SGK3: variants seen among roughly 807,000 people sequenced by gnomAD.
The protein encoded by SGK3 is serum/glucocorticoid regulated kinase family member 3.
In SGK3, 47 loss-of-function variants were observed where a neutral mutation model predicts 68.5. That is an observed-to-expected ratio of 0.69 (90% confidence interval 0.54 to 0.87). The LOEUF (loss-of-function observed/expected upper bound fraction) is 0.87, where lower values mean the gene tolerates loss of function less well. SGK3 is among the 40% of genes least tolerant of loss of function. The probability of loss-of-function intolerance (pLI) is 0.00; values close to 1 mark genes in which losing one functional copy is unlikely to be tolerated. For missense variants in SGK3, 479 were observed against 575.5 expected (o/e 0.83, Z 1.72); for synonymous variants, 181 against 189.1 (o/e 0.96, Z 0.35).
intron 4 of SGK3, among the ~76,000 whole-genome samples, chr8:66,809,562 T>A (rs1415972691): frequency 6.6e-6 from 1 of 152,116 alleles, no homozygotes; most frequent in Non-Finnish European, 1.5e-5. Flanking sequence ...AAAAACCTTA[T>A]GAAATGCTGT....
chr8:66,851,560 A>G (rs1810291157), intron 16 of SGK3, among the ~76,000 whole-genome samples: 1 of 152,080 alleles, frequency 6.6e-6, no homozygotes, highest in South Asian at 2.1e-4. Flanking sequence ...ATAGACAAAC[A>G]TTATTAATAA....
intron 4 of SGK3, among the ~76,000 whole-genome samples, chr8:66,811,032 T>G (rs1808361540): frequency 6.6e-6 from 1 of 152,210 alleles, no homozygotes; most frequent in Non-Finnish European, 1.5e-5. Flanking sequence ...TTTATATATA[T>G]GTTTTTGAGT....
chr8:66,751,719 C>T (rs1563609440), intron 1 of SGK3, among the ~76,000 whole-genome samples: 1 of 151,638 alleles, frequency 6.6e-6, no homozygotes, highest in Non-Finnish European at 1.5e-5. Flanking sequence ...TAGGAATAAT[C>T]TCTGATTATT....
At chr8:66,789,655 A>G (rs1327490204) in intron 1 of SGK3, among the ~76,000 whole-genome samples, 1 of 152,208 alleles carries the variant, frequency 6.6e-6, no homozygotes, top group East Asian at 1.9e-4. Flanking sequence ...CAGAGCTAGT[A>G]TCCAGTAACG....
chr8:66,786,120 T>C (rs1266246458), intron 1 of SGK3, among the ~76,000 whole-genome samples: 1 of 152,256 alleles, frequency 6.6e-6, no homozygotes, highest in Non-Finnish European at 1.5e-5. Flanking sequence ...GAATTTTAAT[T>C]GCTTCAGTTT....
chr8:66,796,191 C>T (rs1227384864), intron 2 of SGK3, among the ~76,000 whole-genome samples: 1 of 151,830 alleles, frequency 6.6e-6, no homozygotes, highest in Non-Finnish European at 1.5e-5. Context: ...GGCTGGAGTG[C>T]AGTGGTGCAG....
chr8:66,852,008 G>GT (rs1327153624), intron 16 of SGK3, among the ~76,000 whole-genome samples: 7 of 152,078 alleles, frequency 4.6e-5, no homozygotes, highest in African/African-American at 1.7e-4. Context: ...CAATATATGC[G>GT]TGATTCCAGA....
intron 1 of SGK3, among the ~76,000 whole-genome samples, chr8:66,723,122 TATATA>T (rs1563595316): frequency 8.8e-5 from 5 of 56,724 alleles, no homozygotes; most frequent in East Asian, 4.8e-4. Context: ...TATATATATA[TATATA>T]TATATTTTTT....
intron 1 of SGK3, among the ~76,000 whole-genome samples, chr8:66,744,494 TATATATATATATATATATATATA>T (rs1805572678): frequency 4.9e-5 from 1 of 20,210 alleles, no homozygotes; most frequent in Non-Finnish European, 1.0e-4. Context: ...TATATATATA[TATATATATATATATATATATATA>T]TATTTTTTTT....
chr8:66,814,002 TTTTG>T, intron 5 of SGK3, 74 bp downstream of exon 5: 2 of 1,306,548 alleles, frequency 1.5e-6, no homozygotes, highest in Non-Finnish European at 1.0e-6. Flanking sequence ...CTTATATAAA[TTTTG>T]TTTGTTCTAT....
chr8:66,853,855 C>T (rs1425289944), intron 16 of SGK3, among the ~76,000 whole-genome samples: 2 of 152,142 alleles, frequency 1.3e-5, no homozygotes. Flanking sequence ...TGAATGGGTA[C>T]ATTATTATAT....
At chr8:66,728,365 C>T (rs988352422) in intron 1 of SGK3, among the ~76,000 whole-genome samples, 6 of 149,514 alleles carry the variant, frequency 4.0e-5, no homozygotes, top group Non-Finnish European at 7.4e-5. Context: ...TCACTTTTGT[C>T]ACCCAGGCTG....
intron 4 of SGK3, among the ~76,000 whole-genome samples, chr8:66,811,080 G>A (rs952010978): frequency 9.2e-5 from 14 of 152,206 alleles, no homozygotes; most frequent in South Asian, 4.2e-4. Context: ...ACAGTGGTGC[G>A]ATCTCAGCTC....
intron 1 of SGK3, among the ~76,000 whole-genome samples, chr8:66,786,428 T>A (rs1004941708): frequency 1.4e-3 from 214 of 152,318 alleles, no homozygotes; most frequent in Non-Finnish European, 4.4e-4. Context: ...GATTGGCACA[T>A]GTAAAGCACA....
intron 6 of SGK3, among the ~76,000 whole-genome samples, chr8:66,823,361 G>T (rs182980895): frequency 1.8e-3 from 271 of 148,786 alleles, no homozygotes; most frequent in African/African-American, 6.3e-3. Flanking sequence ...ATTAATGTGT[G>T]TTCCTAACAG....
intron 15 of SGK3, among the ~76,000 whole-genome samples, chr8:66,848,692 T>G (rs936496776): frequency 2.0e-5 from 3 of 152,200 alleles, no homozygotes; most frequent in Admixed American, 2.0e-4. Context: ...TGCTCCCCTT[T>G]TTTTCTGGTT....
chr8:66,718,446 A>G (rs1297281944), intron 1 of SGK3, among the ~76,000 whole-genome samples: 3 of 148,966 alleles, frequency 2.0e-5, no homozygotes, highest in Admixed American at 1.3e-4. Flanking sequence ...ACATATATAT[A>G]TTATGTGTGT....
intron 5 of SGK3, among the ~76,000 whole-genome samples, chr8:66,820,058 C>T (rs1808747556): frequency 6.6e-6 from 1 of 152,064 alleles, no homozygotes; most frequent in South Asian, 2.1e-4. Context: ...CCTCATGATC[C>T]ACCCGCCTCA....
At chr8:66,856,348 T>C (rs543551632) in intron 16 of SGK3, among the ~76,000 whole-genome samples, 22 of 152,340 alleles carry the variant, frequency 1.4e-4, no homozygotes, top group African/African-American at 5.3e-4. Context: ...ATTACAGGCA[T>C]GAGCCACCGT....
Sources: gnomAD v4.1 joint callset for allele counts (sites outside exome capture counted in the v4.1 genomes callset) on GRCh38, gnomAD v4.1.1 for gene constraint, MANE v1.5 for transcripts, NCBI Gene and HGNC (gene_info 2026-07-23, HGNC 2026-07-21) for gene names.